Variants in UGT1A4 observed in about 807,000 individuals in gnomAD.
UGT1A4 encodes UDP glucuronosyltransferase family 1 member A4.
A neutral mutation model predicts 41.1 loss-of-function variants in UGT1A4; 32 were observed. The observed-to-expected ratio is 0.78, with a 90% confidence interval of 0.59 to 1.05. The LOEUF (loss-of-function observed/expected upper bound fraction) is 1.05. Ranked by LOEUF, UGT1A4 falls within the 50% of genes least tolerant of loss-of-function variation. The pLI is 0.00. For missense variants in UGT1A4, 748 were observed against 677.4 expected, an observed-to-expected ratio of 1.10 and a Z score of -1.16; for synonymous variants, 283 against 265.1, an observed-to-expected ratio of 1.07 and a Z score of -0.66.
At position 233,718,769 on chromosome 2, in the gene UGT1A4, G is replaced by C; in HGVS notation, c.-52G>C. The C allele has an allele frequency of 1.2e-6, 2 of 1,612,822 alleles. No individual in the cohort carries two copies. The highest frequency in any genetic ancestry group is 1.3e-5 in the African/African-American group (1 of 75,016). On this transcript the variant is annotated 5_prime_UTR_variant, in exon 1 of 5. The change abolishes an upstream ATG in the 5' untranslated region. Coordinates refer to ENST00000373409, the MANE Select transcript of UGT1A4 (RefSeq NM_007120.3). ...GGTAATTAAGGCGAAGGAAACAAATGTAGCAGGCACAGCGTGGGGTGGACA... is the reference window on the plus strand; with the variant it reads ...GGTAATTAAGGCGAAGGAAACAAATCTAGCAGGCACAGCGTGGGGTGGACA...
intron 1 of UGT1A4, chr2:233,730,119 C>T (rs1050409403): frequency 6.4e-7 from 1 of 1,553,794 alleles, no homozygotes; most frequent in Non-Finnish European, 8.7e-7. Context: ...TTCTCCTTGT[C>T]ATAATAGCCT....
At position 233,772,766 on chromosome 2, in the gene UGT1A4, C is replaced by T. The variant is rs910513508; in HGVS notation, c.*207C>T. 4 of 1,374,588 alleles carry T rather than the reference C, an allele frequency of 2.9e-6. No individual in the cohort carries two copies. Among genetic ancestry groups the T allele is most frequent in the Non-Finnish European group, 3.8e-6 (4 of 1,047,350 alleles). 85.1% of individuals were successfully genotyped at this position (1,374,588 alleles called of 1,614,324 possible). ...AGATATTTGAATATGTATCGTGCCC[C>T]CTCTGGTGTCTTTGATCAGGATGAC... On this transcript the variant is annotated 3_prime_UTR_variant, in exon 5 of 5. Transcript: ENST00000373409.
At chr2:233,729,228 GC>G in intron 1 of UGT1A4, 1 of 1,614,164 alleles carries the variant, frequency 6.2e-7, no homozygotes, top group African/African-American at 1.3e-5. Flanking sequence ...TGTTGGTGGT[GC>G]CCATTGATGG....
Position 233,760,349 on chromosome 2 carries a change from G to C in UGT1A4, c.868-6685G>C. On this transcript the variant is annotated intron_variant, in intron 1 of 4. Coordinates refer to ENST00000373409, the MANE Select transcript of UGT1A4 (RefSeq NM_007120.3). ...CTGGGCCTGCTGCTGTGTGTGCTGG[G>C]CCCAGTGGTGTCCCATGCTGGGAAG... is the stretch of plus-strand genomic sequence containing the variant. 4 of 1,614,050 alleles carry C rather than the reference G, an allele frequency of 2.5e-6. No homozygotes were observed. The Middle Eastern group carries it at 5.0e-4, about 200-fold the overall frequency.
chr2:233,754,397 T>G (rs1695471341), intron 1 of UGT1A4: 2 of 336,018 alleles, frequency 6.0e-6, no homozygotes, highest in African/African-American at 4.3e-5. Flanking sequence ...GTCCTATCCG[T>G]GCAGTCCCAA....
At chr2:233,768,583 T>C (rs2538830) in intron 4 of UGT1A4, 144 bp downstream of exon 4, 1 of 47,932 alleles carries the variant, frequency 2.1e-5, no homozygotes, top group Non-Finnish European at 2.6e-5. Flanking sequence ...TTATTTCTTC[T>C]TTTTTTTTTT....
intron 1 of UGT1A4, among the ~76,000 whole-genome samples, chr2:233,766,746 G>A (rs1202459280): frequency 2.0e-5 from 3 of 152,150 alleles, no homozygotes; most frequent in Non-Finnish European, 4.4e-5. Context: ...GTACAGGTGT[G>A]TGCATGTGTG....
At chr2:233,759,068 T>G (rs1168767781) in intron 1 of UGT1A4, among the ~76,000 whole-genome samples, 1 of 152,198 alleles carries the variant, frequency 6.6e-6, no homozygotes, top group African/African-American at 2.4e-5. Flanking sequence ...GAAAAGGAAT[T>G]TGGAAGAAAG....
intron 1 of UGT1A4, among the ~76,000 whole-genome samples, chr2:233,766,011 CCTT>C (rs1699028411): frequency 6.6e-6 from 1 of 152,070 alleles, no homozygotes; most frequent in Non-Finnish European, 1.5e-5. Flanking sequence ...TGGGTTATGG[CCTT>C]CTTTTAGTTT....
chr2:233,772,141 A>C, intron 4 of UGT1A4, 121 bp from the exon 5 acceptor site: 1 of 1,549,926 alleles, frequency 6.5e-7, no homozygotes, highest in Non-Finnish European at 8.7e-7. Context: ...CAATAATAGA[A>C]ACAGGTTTCC....
At chr2:233,746,047 C>G (rs1179932554) in intron 1 of UGT1A4, among the ~76,000 whole-genome samples, 1 of 151,694 alleles carries the variant, frequency 6.6e-6, no homozygotes, top group South Asian at 2.1e-4. Flanking sequence ...GGCTTGGATG[C>G]AGGGTCTAGA....
intron 1 of UGT1A4, among the ~76,000 whole-genome samples, chr2:233,724,884 G>A (rs1223856006): frequency 8.2e-5 from 11 of 134,350 alleles, no homozygotes; most frequent in Admixed American, 1.5e-4. Context: ...CGGAGATCAC[G>A]CCACTGCACT....
intron 1 of UGT1A4, among the ~76,000 whole-genome samples, chr2:233,756,677 T>A (rs1198081671): frequency 1.3e-5 from 2 of 152,198 alleles, no homozygotes; most frequent in African/African-American, 4.8e-5. Flanking sequence ...CCGCTAGAAC[T>A]GCTATATAAT....
intron 1 of UGT1A4, among the ~76,000 whole-genome samples, chr2:233,738,054 T>A (rs1271944980): frequency 6.6e-6 from 1 of 152,146 alleles, no homozygotes; most frequent in African/African-American, 2.4e-5. Flanking sequence ...GGACAGGACA[T>A]GGTGGGAGGT....
intron 1 of UGT1A4, among the ~76,000 whole-genome samples, chr2:233,761,782 A>G (rs1423318285): frequency 1.3e-5 from 2 of 152,218 alleles, no homozygotes; most frequent in African/African-American, 4.8e-5. Context: ...ATCCTCATCG[A>G]AATCTCAGCA....
chr2:233,744,393 C>T (rs17864702), intron 1 of UGT1A4, among the ~76,000 whole-genome samples: 2,182 of 151,914 alleles, frequency 0.014, 41 homozygotes, highest in South Asian at 0.024. Context: ...GTTCCAGCCC[C>T]GGTGCCCATT....
At chr2:233,720,048 C>T (rs12466779) in intron 1 of UGT1A4, among the ~76,000 whole-genome samples, 12,140 of 152,146 alleles carry the variant, frequency 0.08, 618 homozygotes, top group East Asian at 0.2. Context: ...TTCAGCTGAA[C>T]GGTGATGCAA....
intron 1 of UGT1A4, among the ~76,000 whole-genome samples, chr2:233,726,698 T>C (rs1479327471): frequency 6.6e-6 from 1 of 152,232 alleles, no homozygotes; most frequent in Non-Finnish European, 1.5e-5. Context: ...ACGGAACATA[T>C]TCCCAGGTTT....
At chr2:233,764,686 A>G (rs1297996810) in intron 1 of UGT1A4, among the ~76,000 whole-genome samples, 1 of 152,166 alleles carries the variant, frequency 6.6e-6, no homozygotes, top group African/African-American at 2.4e-5. Context: ...GAACTTGAAG[A>G]GCACTTGGAA....
Sources: gnomAD v4.1 joint callset for allele counts (sites outside exome capture counted in the v4.1 genomes callset) on GRCh38, gnomAD v4.1.1 for gene constraint, MANE v1.5 for transcripts, NCBI Gene and HGNC (gene_info 2026-07-23, HGNC 2026-07-21) for gene names.